The following ST18 variants were observed in gnomAD, a reference collection of about 807,000 sequenced individuals.
ST18 encodes ST18 C2H2C-type zinc finger transcription factor.
In ST18, 50 loss-of-function variants were observed where a neutral mutation model predicts 110.0. The observed-to-expected ratio is 0.45, with a 90% CI of 0.36 to 0.58. ST18 has a LOEUF of 0.58. Ranked by LOEUF, ST18 falls within the 20% of genes least tolerant of loss-of-function variation. The probability of loss-of-function intolerance (pLI) is 0.00; values close to 1 mark genes in which losing one functional copy is unlikely to be tolerated. For synonymous variants in ST18, 461 were observed against 452.4 expected, an observed-to-expected ratio of 1.02 and a Z score of -0.24; for missense variants, 1,306 against 1,280.1, an observed-to-expected ratio of 1.02 and a Z score of -0.31.
chr8:52,326,245 A>G (rs976568738), intron 2 of ST18, among the ~76,000 whole-genome samples: 4 of 152,196 alleles, frequency 2.6e-5, no homozygotes, highest in African/African-American at 7.2e-5. Flanking sequence ...CAATGGTGAC[A>G]GTGGGATTTG....
intron 2 of ST18, among the ~76,000 whole-genome samples, chr8:52,339,295 A>T (rs1355504985): frequency 2.0e-5 from 3 of 152,168 alleles, no homozygotes; most frequent in Non-Finnish European, 4.4e-5. Flanking sequence ...ACTCTCTCAC[A>T]TCAAACTCCT....
intron 2 of ST18, among the ~76,000 whole-genome samples, chr8:52,388,804 G>A (rs1446083058): frequency 5.9e-5 from 8 of 134,582 alleles, no homozygotes; most frequent in African/African-American, 2.8e-5. Flanking sequence ...ATCACACTCC[G>A]GGGACTGTTG....
chr8:52,144,881 G>A (rs2056686841), intron 16 of ST18, among the ~76,000 whole-genome samples: 1 of 152,140 alleles, frequency 6.6e-6, no homozygotes, highest in African/African-American at 2.4e-5. Flanking sequence ...CAAATTTTAA[G>A]GCCTTAAACC....
At chr8:52,116,502 G>A in intron 24 of ST18, 84 bp from the exon 25 acceptor site, 6 of 1,388,952 alleles carry the variant, frequency 4.3e-6, no homozygotes, top group Non-Finnish European at 5.9e-6. Context: ...AATGCACCAA[G>A]TGCATCTGAA....
intron 2 of ST18, among the ~76,000 whole-genome samples, chr8:52,238,821 T>C (rs931829648): frequency 2.4e-5 from 3 of 124,864 alleles, no homozygotes; most frequent in Non-Finnish European, 3.2e-5. Context: ...CACATGGACA[T>C]GGAAAGTTTA....
chr8:52,144,332 A>C (rs1563666989), intron 16 of ST18, among the ~76,000 whole-genome samples: 1 of 152,090 alleles, frequency 6.6e-6, no homozygotes, highest in African/African-American at 2.4e-5. Flanking sequence ...GTTCAAAATA[A>C]TTTTTTTAAA....
intron 8 of ST18, among the ~76,000 whole-genome samples, chr8:52,186,519 G>A (rs1230927567): frequency 6.6e-6 from 1 of 152,144 alleles, no homozygotes; most frequent in Admixed American, 6.6e-5. Context: ...ATCTACTAAA[G>A]GTGAACAGAT....
At chr8:52,168,730 T>C (rs1340501387) in intron 10 of ST18, among the ~76,000 whole-genome samples, 1 of 152,146 alleles carries the variant, frequency 6.6e-6, no homozygotes, top group Non-Finnish European at 1.5e-5. Context: ...TCTCTGCATT[T>C]CGTAATAGAC....
chr8:52,268,884 G>A (rs1053235291), intron 2 of ST18, among the ~76,000 whole-genome samples: 4 of 152,190 alleles, frequency 2.6e-5, no homozygotes, highest in Non-Finnish European at 5.9e-5. Context: ...GCTGCTTGGG[G>A]GAAGTGCAGC....
chr8:52,276,392 C>T (rs530814455), intron 2 of ST18, among the ~76,000 whole-genome samples: 7 of 145,026 alleles, frequency 4.8e-5, no homozygotes, highest in Non-Finnish European at 7.6e-5. Flanking sequence ...ATACACCATA[C>T]GTTCACATAC....
chr8:52,369,088 A>T (rs947777176), intron 2 of ST18, among the ~76,000 whole-genome samples: 2 of 152,230 alleles, frequency 1.3e-5, no homozygotes, highest in African/African-American at 4.8e-5. Context: ...CGAAAGCCAT[A>T]TCTGCCAGAT....
In ST18 at chr8:52,126,057, G is replaced by T; in HGVS notation, c.2750C>A (p.Thr917Asn). 6.2e-7 allele frequency: 1 copy of T among 1,614,052 alleles called. No individual in the cohort carries two copies. The highest frequency in any genetic ancestry group is 8.5e-7 in the Non-Finnish European group (1 of 1,179,968). Reference protein sequence around the residue: ...EELMTIKLKATGGIESDEEIR... With the variant: ...EELMTIKLKANGGIESDEEIR... Reference sequence around the variant, plus strand: ...AGCCAGCCCTGTGCTCTTACCCCCAGTTGCTTTGAGCTTGATGGTCATGAG... The same window carrying T: ...AGCCAGCCCTGTGCTCTTACCCCCATTTGCTTTGAGCTTGATGGTCATGAG... Residue 917 changes from threonine to asparagine, a missense_variant, in exon 23 of 26, where the codon ACT (threonine) becomes AAT (asparagine). By Grantham distance (65) the Thr-to-Asn change is moderately conservative (BLOSUM62 0). Transcript: ENST00000689386.
intron 2 of ST18, among the ~76,000 whole-genome samples, chr8:52,336,714 A>T (rs1293525014): frequency 6.6e-6 from 1 of 152,222 alleles, no homozygotes; most frequent in Non-Finnish European, 1.5e-5. Context: ...CTTGTCAGTG[A>T]TACATGCATA....
intron 13 of ST18, among the ~76,000 whole-genome samples, chr8:52,163,647 G>A (rs1313967391): frequency 6.6e-6 from 1 of 152,182 alleles, no homozygotes; most frequent in Non-Finnish European, 1.5e-5. Flanking sequence ...GAAAGGTGAT[G>A]AAGGAGTGCT....
intron 2 of ST18, among the ~76,000 whole-genome samples, chr8:52,248,820 TG>T (rs903212043): frequency 1.3e-5 from 2 of 152,198 alleles, no homozygotes; most frequent in African/African-American, 4.8e-5. Flanking sequence ...GAGGAGCTTT[TG>T]TTTTCTTGTT....
At chr8:52,121,046 A>C (rs1408834697) in intron 23 of ST18, among the ~76,000 whole-genome samples, 1 of 152,172 alleles carries the variant, frequency 6.6e-6, no homozygotes, top group Non-Finnish European at 1.5e-5. Context: ...TGAAACTTGT[A>C]GTAGGATAAG....
intron 2 of ST18, among the ~76,000 whole-genome samples, chr8:52,283,811 T>C (rs970091026): frequency 6.6e-6 from 1 of 152,332 alleles, no homozygotes; most frequent in African/African-American, 2.4e-5. Flanking sequence ...AGTTCTCTTC[T>C]GAGTTTGCAA....
chr8:52,175,132 C>G (rs1283399480), intron 9 of ST18, among the ~76,000 whole-genome samples: 1 of 152,114 alleles, frequency 6.6e-6, no homozygotes, highest in Admixed American at 6.5e-5. Context: ...AGCTTGGCAC[C>G]ACCGTAGGCA....
chr8:52,302,496 A>G (rs2139559750), intron 2 of ST18, among the ~76,000 whole-genome samples: 1 of 152,260 alleles, frequency 6.6e-6, no homozygotes, highest in East Asian at 1.9e-4. Flanking sequence ...CCGCAGCCAC[A>G]CCTCCACAGC....
Sources: gnomAD v4.1 joint callset for allele counts (sites outside exome capture counted in the v4.1 genomes callset) on GRCh38, gnomAD v4.1.1 for gene constraint, MANE v1.5 for transcripts, NCBI Gene and HGNC (gene_info 2026-07-23, HGNC 2026-07-21) for gene names.